Variants in ACOT7 observed in about 807,000 individuals in gnomAD.
ACOT7 encodes acyl-CoA thioesterase 7, also known as cytosolic acyl coenzyme A thioester hydrolase.
Under a neutral mutation model 40.2 loss-of-function variants are expected in ACOT7, and 12 were observed. The observed-to-expected ratio is 0.30, with a 90% confidence interval of 0.19 to 0.48. ACOT7 has a LOEUF of 0.48. Among genes scored for constraint, ACOT7 ranks in the 20% least tolerant of loss-of-function variants. The pLI is 0.99. For missense variants in ACOT7, 395 were observed against 530.8 expected, an observed-to-expected ratio of 0.74 and a Z score of 2.51; for synonymous variants, 228 against 219.5, an observed-to-expected ratio of 1.04 and a Z score of -0.34.
At chr1:6,382,117 G>A (rs914974783) in intron 1 of ACOT7, among the ~76,000 whole-genome samples, 3 of 132,486 alleles carry the variant, frequency 2.3e-5, no homozygotes, top group South Asian at 2.4e-4. Flanking sequence ...CAGCCTGGGC[G>A]AAAGTGCAAG....
chr1:6,303,344 T>C (rs1309837211), intron 6 of ACOT7, among the ~76,000 whole-genome samples: 2 of 152,260 alleles, frequency 1.3e-5, no homozygotes, highest in Non-Finnish European at 2.9e-5. Flanking sequence ...AAAAAGACTT[T>C]CTTGGCCACT....
rs529331026 is a variant in ACOT7 at position 6,380,895 on chromosome 1, T to C, written c.143+12362A>G. Among the ~76,000 whole-genome samples the C allele has an allele frequency of 3.3e-5, 5 of 151,922 alleles. No individual in the cohort carries two copies. In the South Asian group the frequency reaches 1.0e-3, roughly 32 times the overall value. On this transcript the variant is annotated intron_variant, in intron 1 of 8. Transcript: ENST00000361521. Reference sequence around the variant, plus strand: ...CAGACAAATTGTATGTCATAAGAACTTTAAAATGTGTGCATCAACAGACAA... The same window carrying C: ...CAGACAAATTGTATGTCATAAGAACCTTAAAATGTGTGCATCAACAGACAA...
rs979174283 is a variant in ACOT7 at position 6,306,508 on chromosome 1, C to T, written c.713-11528G>A. ...TTCACCAGTCCCCACGTCCCGCTCCCCCGCTGAAGCATCAGGATGGACGTG... is the reference window on the plus strand; with the variant it reads ...TTCACCAGTCCCCACGTCCCGCTCCTCCGCTGAAGCATCAGGATGGACGTG... On this transcript the variant is annotated intron_variant, in intron 6 of 8. Coordinates refer to ENST00000361521, the MANE Select transcript of ACOT7 (RefSeq NM_007274.4). This position sits in a 1 kb window ranked among gnomAD's most constrained non-coding sequence, Gnocchi z 4.3. 35 of 985,214 alleles carry T rather than the reference C, an allele frequency of 3.6e-5. No homozygotes were observed. Among genetic ancestry groups the T allele is most frequent in the Middle Eastern group, 5.2e-4 (1 of 1,936 alleles). The allele number at this position is 985,214 out of a possible 1,614,324, so 61.0% of individuals were successfully genotyped here.
intron 4 of ACOT7, among the ~76,000 whole-genome samples, chr1:6,331,381 A>T (rs557324570): frequency 1.1e-4 from 17 of 152,352 alleles, no homozygotes; most frequent in Admixed American, 2.6e-4. Flanking sequence ...CAGAAGCTTC[A>T]GTGACGCAGC....
chr1:6,334,809 G>A (rs1237483554), intron 3 of ACOT7, among the ~76,000 whole-genome samples: 1 of 152,170 alleles, frequency 6.6e-6, no homozygotes, highest in African/African-American at 2.4e-5. Flanking sequence ...GACGTCTAGG[G>A]GTTTACCCAG....
chr1:6,345,866 A>G (rs1398870057), intron 2 of ACOT7, among the ~76,000 whole-genome samples: 4 of 152,168 alleles, frequency 2.6e-5, no homozygotes, highest in African/African-American at 7.2e-5. Context: ...CCGCGGGCTC[A>G]TCGTAAGCGC....
At chr1:6,318,705 A>G (rs1047107540) in intron 5 of ACOT7, 127 bp from the exon 6 acceptor site, 1 of 890,774 alleles carries the variant, frequency 1.1e-6, no homozygotes, top group Non-Finnish European at 1.8e-6. Context: ...GGGTTCAGCT[A>G]TGATTTCTCT....
chr1:6,327,810 C>T (rs144225202), intron 4 of ACOT7, among the ~76,000 whole-genome samples: 1,788 of 152,258 alleles, frequency 0.012, 46 homozygotes, highest in African/African-American at 0.041. Flanking sequence ...GAGTCTCGCT[C>T]TGTCCCAGGC....
At position 6,393,376 on chromosome 1, in the gene ACOT7, A is replaced by T; in HGVS notation, c.24T>A (p.His8Gln). The T allele has an allele frequency of 8.1e-7, 1 of 1,232,714 alleles. No homozygotes were observed. Among genetic ancestry groups the T allele is most frequent in the Non-Finnish European group, 1.0e-6 (1 of 985,188 alleles). 76.4% of individuals were successfully genotyped at this position (1,232,714 alleles called of 1,614,324 possible). MARPGLI[H>Q]SAPGLPDTCA... is the part of the protein sequence containing the mutation. The stretch of plus-strand genomic sequence containing the variant: ...AGGTGTCTGGCAGGCCCGGCGCGGA[A>T]TGAATGAGCCCGGGCCGCGCCATAA... The change falls in exon 1 of 9, where the codon CAT (histidine) becomes CAA (glutamine). Residue 8 changes from histidine to glutamine, a missense_variant. By Grantham distance (24) the His-to-Gln change is conservative. This residue lies in a region of ACOT7 where 86 missense variants were observed against 60.5 expected (regional missense o/e 1.42). Transcript: ENST00000361521.
intron 6 of ACOT7, among the ~76,000 whole-genome samples, chr1:6,298,161 G>C (rs571603043): frequency 1.3e-5 from 2 of 152,200 alleles, no homozygotes; most frequent in East Asian, 3.9e-4. Flanking sequence ...TTGAGAAAGA[G>C]TCTCTCTCTG....
At chr1:6,318,229 T>C (rs2148421239) in intron 6 of ACOT7, among the ~76,000 whole-genome samples, 1 of 152,224 alleles carries the variant, frequency 6.6e-6, no homozygotes, top group South Asian at 2.1e-4. Flanking sequence ...TTATTATTTA[T>C]TTTTTTGTAG....
At position 6,275,716 on chromosome 1, in the gene ACOT7, CAA is replaced by C. The variant is rs34990815; in HGVS notation, c.1014+5384_1014+5385del. 5.4e-4 allele frequency among the ~76,000 whole-genome samples: 30 copies of C among 55,544 alleles called. No individual in the cohort carries two copies. Among genetic ancestry groups the C allele is most frequent in the African/African-American group, 9.4e-4 (14 of 14,932 alleles). The allele number at this position is 55,544 out of a possible 152,430, so 36.4% of individuals were successfully genotyped here. A position where few individuals can be genotyped will look rare whatever the true frequency, so the allele number is the denominator to read the frequency against. On this transcript the variant is annotated intron_variant, in intron 8 of 8. Coordinates refer to ENST00000361521, the MANE Select transcript of ACOT7 (RefSeq NM_007274.4). The surrounding 1 kb of genome is among the most constrained non-coding windows in gnomAD (Gnocchi z 5.6). Reference sequence around the variant, plus strand: ...TGGGCGACAGAGTGAGGCTCCGTCTCAAAAAAAAAAAAAAAAAAAAAAAAAGA... The same window carrying C: ...TGGGCGACAGAGTGAGGCTCCGTCTCAAAAAAAAAAAAAAAAAAAAAAAGA...
intron 5 of ACOT7, among the ~76,000 whole-genome samples, chr1:6,319,515 C>T (rs1640586505): frequency 6.6e-6 from 1 of 152,178 alleles, no homozygotes; most frequent in Non-Finnish European, 1.5e-5. Flanking sequence ...TTTGAAAAGT[C>T]AGTTATCCTT....
Position 6,306,298 on chromosome 1 carries a change from A to G in ACOT7, c.713-11318T>C, listed in dbSNP as rs1557642454. 7 of 985,218 alleles carry G rather than the reference A, an allele frequency of 7.1e-6. No homozygotes were observed. The highest frequency in any genetic ancestry group is 8.4e-6 in the Non-Finnish European group (7 of 829,916). The allele number at this position is 985,218 out of a possible 1,614,324, so 61.0% of individuals were successfully genotyped here. ...TACTCCATATTTCTGGAAAGGGGTCAGTGCCCCATGATTTGAGAGGGATGA... is the reference window on the plus strand; with the variant it reads ...TACTCCATATTTCTGGAAAGGGGTCGGTGCCCCATGATTTGAGAGGGATGA... On this transcript the variant is annotated intron_variant, in intron 6 of 8. Coordinates refer to ENST00000361521, the MANE Select transcript of ACOT7 (RefSeq NM_007274.4). The surrounding 1 kb of genome is among the most constrained non-coding windows in gnomAD (Gnocchi z 4.3).
chr1:6,308,288 A>G (rs1640222719), intron 6 of ACOT7, among the ~76,000 whole-genome samples: 1 of 150,644 alleles, frequency 6.6e-6, no homozygotes. Context: ...GAACAGCCAC[A>G]GGCAGAGGGA....
chr1:6,304,602 G>C (rs1449416407), intron 6 of ACOT7, among the ~76,000 whole-genome samples: 2 of 134,708 alleles, frequency 1.5e-5, no homozygotes, highest in Non-Finnish European at 3.1e-5. Flanking sequence ...GACTCTTAAC[G>C]AGCATGCTGC....
chr1:6,281,318 G>GCCTCCACCCCAC (rs751964976), intron 7 of ACOT7, 32 bp from the exon 8 acceptor site: 1 of 1,587,106 alleles, frequency 6.3e-7, no homozygotes, highest in South Asian at 1.1e-5. Flanking sequence ...GGTCAGGGCG[G>GCCTCCACCCCAC]CCTCCACCCC....
intron 1 of ACOT7, among the ~76,000 whole-genome samples, chr1:6,382,042 G>A (rs1451022343): frequency 6.6e-6 from 1 of 151,610 alleles, no homozygotes; most frequent in African/African-American, 2.4e-5. Flanking sequence ...GGAGGCTGAG[G>A]CAGGAGAATG....
At chr1:6,347,333 G>A (rs987018954) in intron 2 of ACOT7, among the ~76,000 whole-genome samples, 8 of 152,222 alleles carry the variant, frequency 5.3e-5, no homozygotes, top group Admixed American at 2.6e-4. Flanking sequence ...GAAGGAGCAA[G>A]GAGGGGCAAG....
Sources: gnomAD v4.1 joint callset for allele counts (sites outside exome capture counted in the v4.1 genomes callset) on GRCh38, gnomAD v4.1.1 for gene constraint, gnomAD v4.1.1 regional missense constraint, Gnocchi (gnomAD v3.1) non-coding constraint, MANE v1.5 for transcripts, NCBI Gene and HGNC (gene_info 2026-07-23, HGNC 2026-07-21) for gene names.